PHACTR3: variants seen among roughly 807,000 people sequenced by gnomAD.
The protein encoded by PHACTR3 is phosphatase and actin regulator 3, also known as protein phosphatase 1, regulatory subunit 123.
In PHACTR3, 16 loss-of-function variants were observed where a neutral mutation model predicts 66.8. That is an observed-to-expected ratio of 0.24 (90% CI 0.16 to 0.36). PHACTR3 has a LOEUF of 0.36. Among genes scored for constraint, PHACTR3 ranks in the 10% least tolerant of loss-of-function variants. The pLI is 1.00. For synonymous variants in PHACTR3, 323 were observed against 292.1 expected, an observed-to-expected ratio of 1.11 and a Z score of -1.08; for missense variants, 647 against 719.9, an observed-to-expected ratio of 0.90 and a Z score of 1.16.
At position 59,736,610 on chromosome 20, in the gene PHACTR3, C is replaced by T. The variant is rs1043528134; in HGVS notation, c.119-6497C>T. On this transcript the variant is annotated intron_variant, in intron 1 of 12. Coordinates refer to ENST00000371015, the MANE Select transcript of PHACTR3 (RefSeq NM_080672.5). This position sits in a 1 kb window ranked among gnomAD's most constrained non-coding sequence, Gnocchi z 4.6. ...GCTCACCCACCCACCCTCAGAGATACACACCTACCCACTCTGTGCACACCT... is the reference window on the plus strand; with the variant it reads ...GCTCACCCACCCACCCTCAGAGATATACACCTACCCACTCTGTGCACACCT... 6.6e-5 allele frequency among the ~76,000 whole-genome samples: 10 copies of T among 151,570 alleles called. No homozygotes were observed. Among genetic ancestry groups the T allele is most frequent in the Non-Finnish European group, 1.3e-4 (9 of 67,826 alleles).
At chr20:59,831,501 C>T (rs1040467647) in intron 8 of PHACTR3, among the ~76,000 whole-genome samples, 2 of 152,226 alleles carry the variant, frequency 1.3e-5, no homozygotes, top group Non-Finnish European at 2.9e-5. Flanking sequence ...TAGACTGTGG[C>T]TTCCCCAGCT....
chr20:59,823,936 T>C (rs955045304), intron 8 of PHACTR3, among the ~76,000 whole-genome samples: 6 of 152,228 alleles, frequency 3.9e-5, no homozygotes, highest in Admixed American at 2.6e-4. Flanking sequence ...AGCAACCAGT[T>C]CCTGATCCAT....
chr20:59,751,709 G>A (rs186323559), intron 3 of PHACTR3, among the ~76,000 whole-genome samples: 246 of 152,166 alleles, frequency 1.6e-3, no homozygotes, highest in African/African-American at 5.6e-3. Context: ...GACTCTAGTC[G>A]CCAGCTTGGA....
intron 7 of PHACTR3, among the ~76,000 whole-genome samples, chr20:59,802,136 C>T (rs1344001782): frequency 6.6e-6 from 1 of 152,112 alleles, no homozygotes; most frequent in Non-Finnish European, 1.5e-5. Flanking sequence ...GTTTGGGATG[C>T]CTGCTAGAGA....
At chr20:59,602,452 AAAAG>A (rs1201541225), upstream of PHACTR3, among the ~76,000 whole-genome samples, 2 of 152,082 alleles carry the variant, frequency 1.3e-5, no homozygotes, top group Non-Finnish European at 2.9e-5. Context: ...AAAAAAAAAA[AAAAG>A]AGAGAGAGAG....
intron 1 of PHACTR3, among the ~76,000 whole-genome samples, chr20:59,663,092 C>T (rs570769149): frequency 6.6e-6 from 1 of 152,334 alleles, no homozygotes. Flanking sequence ...TGGCTGCAGC[C>T]GTGTCACCGC....
rs1434461865 is a variant in PHACTR3, at chr20:59,820,403, A to G, written c.1328+14209A>G. Among the ~76,000 whole-genome samples the G allele has an allele frequency of 6.6e-6, 1 of 152,228 alleles. No homozygotes were observed. The highest frequency in any genetic ancestry group is 1.5e-5 in the Non-Finnish European group (1 of 68,048). On this transcript the variant is annotated intron_variant, in intron 8 of 12. Transcript: ENST00000371015. This position sits in a 1 kb window ranked among gnomAD's most constrained non-coding sequence, Gnocchi z 4.6. ...TCAGGCAAAATGGTGGCTATCATGT[A>G]TGGATCTTGTACGTTCTGCTTTTAG...
intron 5 of PHACTR3, among the ~76,000 whole-genome samples, chr20:59,767,888 C>G (rs1047363080): frequency 6.6e-6 from 1 of 150,788 alleles, no homozygotes; most frequent in Non-Finnish European, 1.5e-5. Context: ...CCATTCCATT[C>G]TTTCTGGATG....
chr20:59,669,483 C>A (rs1204211828), intron 1 of PHACTR3, among the ~76,000 whole-genome samples: 1 of 152,186 alleles, frequency 6.6e-6, no homozygotes, highest in Non-Finnish European at 1.5e-5. Flanking sequence ...AGAGATAATT[C>A]ACATATCGTG....
chr20:59,713,047 C>T (rs1205654256), intron 1 of PHACTR3, among the ~76,000 whole-genome samples: 5 of 152,210 alleles, frequency 3.3e-5, no homozygotes, highest in African/African-American at 1.2e-4. Flanking sequence ...CTTGGGTGAA[C>T]AAAGCGAGTT....
chr20:59,659,024 T>C (rs538473279), intron 1 of PHACTR3, among the ~76,000 whole-genome samples: 1 of 152,248 alleles, frequency 6.6e-6, no homozygotes, highest in African/African-American at 2.4e-5. Flanking sequence ...TGATAATATA[T>C]TTTTCATTAT....
intron 1 of PHACTR3, among the ~76,000 whole-genome samples, chr20:59,657,400 T>G (rs1200490484): frequency 1.3e-5 from 2 of 151,984 alleles, no homozygotes; most frequent in Admixed American, 1.3e-4. Context: ...AGCTCCTTGT[T>G]TTGTGTGTGT....
At chr20:59,611,249 A>C (rs1477104520) in intron 1 of PHACTR3, among the ~76,000 whole-genome samples, 1 of 152,222 alleles carries the variant, frequency 6.6e-6, no homozygotes, top group East Asian at 1.9e-4. Flanking sequence ...ACAATGAGTA[A>C]ATTTTGAGAC....
intron 1 of PHACTR3, among the ~76,000 whole-genome samples, chr20:59,713,752 T>C (rs973759280): frequency 6.6e-6 from 1 of 152,112 alleles, no homozygotes; most frequent in African/African-American, 2.4e-5. Context: ...TTGCTTTTTT[T>C]TTTTCTCCTT....
At chr20:59,656,005 T>G (rs2035609804) in intron 1 of PHACTR3, among the ~76,000 whole-genome samples, 1 of 151,906 alleles carries the variant, frequency 6.6e-6, no homozygotes, top group Non-Finnish European at 1.5e-5. Context: ...TGGTCAGAAA[T>G]TATACTTTTT....
chr20:59,711,919 G>A (rs942000176), intron 1 of PHACTR3, among the ~76,000 whole-genome samples: 2 of 151,962 alleles, frequency 1.3e-5, no homozygotes, highest in African/African-American at 2.4e-5. Flanking sequence ...TTTTCAATGG[G>A]GTTAAGAGAA....
At chr20:59,760,834 C>T (rs1433815171) in intron 4 of PHACTR3, among the ~76,000 whole-genome samples, 2 of 152,014 alleles carry the variant, frequency 1.3e-5, no homozygotes, top group Non-Finnish European at 2.9e-5. Flanking sequence ...TCTGGCCTTC[C>T]CACAAGTGCA....
intron 1 of PHACTR3, among the ~76,000 whole-genome samples, chr20:59,694,669 G>T (rs980193490): frequency 5.9e-5 from 9 of 152,308 alleles, no homozygotes; most frequent in African/African-American, 2.2e-4. Flanking sequence ...TCTGTGTGAT[G>T]GAGTAATAGT....
intron 1 of PHACTR3, among the ~76,000 whole-genome samples, chr20:59,695,871 T>G (rs1038311982): frequency 7.9e-5 from 12 of 152,118 alleles, no homozygotes; most frequent in African/African-American, 2.4e-4. Context: ...TAGCTGGGAC[T>G]ACAGGCTCAC....
Sources: allele counts gnomAD v4.1 joint callset (sites outside exome capture counted in the v4.1 genomes callset), GRCh38; gene constraint gnomAD v4.1.1; non-coding constraint Gnocchi (gnomAD v3.1); transcripts MANE v1.5; gene names NCBI Gene and HGNC (gene_info 2026-07-23, HGNC 2026-07-21).